Variants in SLC25A10 observed in about 807,000 individuals in gnomAD.
SLC25A10 encodes solute carrier family 25 member 10, also known as mitochondrial dicarboxylate carrier.
A neutral mutation model predicts 40.4 loss-of-function variants in SLC25A10; 32 were observed. The ratio of observed to expected loss-of-function variants is 0.79; its 90% CI spans 0.60 to 1.06. The LOEUF is 1.06. Ranked by LOEUF, SLC25A10 falls within the 50% of genes least tolerant of loss-of-function variation. The pLI is 0.00. For missense variants in SLC25A10, 394 were observed against 402.6 expected (o/e 0.98, Z 0.18); for synonymous variants, 181 against 171.1 (o/e 1.06, Z -0.45).
intron 1 of SLC25A10, among the ~76,000 whole-genome samples, chr17:81,713,827 G>A (rs980927255): frequency 6.6e-6 from 1 of 152,222 alleles, no homozygotes; most frequent in African/African-American, 2.4e-5. Flanking sequence ...CTCTCTGGCT[G>A]CAGAACACCG....
At chr17:81,717,943 G>GGACACCCTTCCCC in intron 9 of SLC25A10, 82 bp downstream of exon 9, 1 of 1,032,406 alleles carries the variant, frequency 9.7e-7, no homozygotes, top group Non-Finnish European at 1.5e-6. Context: ...CACTCGCACT[G>GGACACCCTTCCCC]GGGACCCGGG....
intron 2 of SLC25A10, 150 bp from the exon 3 acceptor site, chr17:81,715,328 C>A: frequency 1.2e-6 from 1 of 822,506 alleles, no homozygotes; most frequent in Non-Finnish European, 2.0e-6. Flanking sequence ...TGTGAACTGG[C>A]TCAGCCGCAT....
rs201255090 is a variant in SLC25A10, at chr17:81,715,054, C to T, written c.195C>T (p.Ser65=). Residue 65 remains serine (S), a synonymous_variant, in exon 2 of 11, where the codon AGC becomes AGT. Coordinates refer to ENST00000350690, the MANE Select transcript of SLC25A10 (RefSeq NM_012140.5). ...DGILALYSGL[S]ASLCRQMTYS... is the part of the protein sequence containing the mutation. ...TCCTGGCACTCTACAGCGGCCTGAG[C>T]GCCTCGCTGTGCAGACAGGTGCGTG... 9.8e-5 allele frequency: 157 copies of T among 1,609,838 alleles called. No homozygotes were observed. In the African/African-American group the frequency reaches 1.8e-3, roughly 18 times the overall value.
intron 9 of SLC25A10, 135 bp downstream of exon 9, chr17:81,717,996 C>T (rs925315880): frequency 4.8e-5 from 33 of 683,282 alleles, no homozygotes; most frequent in Non-Finnish European, 7.8e-5. Context: ...CTGCACAGCA[C>T]TTGCCTTGGG....
rs765499382 is a variant in SLC25A10 at position 81,716,022 on chromosome 17, G to A, written c.391G>A (p.Val131Met). Residue 131 changes from valine to methionine, a missense_variant, in exon 5 of 11, where the codon GTG (valine) becomes ATG (methionine). Physicochemically the swap from Val to Met is conservative, Grantham distance 21 (BLOSUM62 1). Coordinates refer to ENST00000350690, the MANE Select transcript of SLC25A10 (RefSeq NM_012140.5). ...CTTCTGTTTCAGGATGCAGAACGAC[G>A]TGAAGCTGCCCCAGGGTCAGCGGCG... Reference protein sequence around the residue: ...DLVNVRMQNDVKLPQGQRRNY... With the variant: ...DLVNVRMQNDMKLPQGQRRNY... 7.7e-5 allele frequency: 122 copies of A among 1,594,052 alleles called. No individual in the cohort carries two copies. Among genetic ancestry groups the A allele is most frequent in the Non-Finnish European group, 1.0e-4 (117 of 1,170,666 alleles).
chr17:81,712,738 AGCTTCCCAGCCG>A (rs2037407626), intron 1 of SLC25A10, among the ~76,000 whole-genome samples: 1 of 152,218 alleles, frequency 6.6e-6, no homozygotes, highest in African/African-American at 2.4e-5. Context: ...CGCGCTCCCC[AGCTTCCCAGCCG>A]GCTTCCCAGT....
At chr17:81,715,159 C>A in intron 2 of SLC25A10, 87 bp downstream of exon 2, 1 of 1,541,912 alleles carries the variant, frequency 6.5e-7, no homozygotes. Context: ...CTTTTCAAGA[C>A]TTTGTGCAAG....
At chr17:81,713,386 C>T (rs924167596) in intron 1 of SLC25A10, 1 of 945,390 alleles carries the variant, frequency 1.1e-6, no homozygotes, top group South Asian at 4.9e-5. Context: ...GGTCACTGGG[C>T]AGCCGCCTGT....
At chr17:81,715,129 A>G in intron 2 of SLC25A10, 57 bp downstream of exon 2, 1 of 1,588,530 alleles carries the variant, frequency 6.3e-7, no homozygotes, top group Non-Finnish European at 8.6e-7. Flanking sequence ...CTGCAGTGGC[A>G]TCCAAGCTAC....
chr17:81,715,198 A>G, intron 2 of SLC25A10, 126 bp downstream of exon 2: 1 of 1,397,096 alleles, frequency 7.2e-7, no homozygotes, highest in Non-Finnish European at 9.6e-7. Context: ...AGAGCTGGTG[A>G]CCCCAGGGTG....
At position 81,720,620 on chromosome 17, in the gene SLC25A10, C is replaced by A; in HGVS notation, c.*543C>A. 1.0e-6 allele frequency: 1 copy of A among 957,466 alleles called. No homozygotes were observed. Among genetic ancestry groups the A allele is most frequent in the Non-Finnish European group, 1.4e-6 (1 of 730,566 alleles). 59.3% of individuals were successfully genotyped at this position (957,466 alleles called of 1,614,324 possible). A position where few individuals can be genotyped will look rare whatever the true frequency, so the allele number is the denominator to read the frequency against. ...AGCTGGGTGGGATGAACAAGCAACG[C>A]AGACCACAAGCGAGTGCCTGGGAGG... On this transcript the variant is annotated 3_prime_UTR_variant, in exon 11 of 11. Coordinates refer to ENST00000350690, the MANE Select transcript of SLC25A10 (RefSeq NM_012140.5).
Position 81,720,142 on chromosome 17 carries a change from C to A in SLC25A10, c.*65C>A, listed in dbSNP as rs1412918052. On this transcript the variant is annotated 3_prime_UTR_variant, in exon 11 of 11. Transcript: ENST00000350690. Reference sequence around the variant, plus strand: ...TAGGTTCTTCCAAAGAGTCCCAAGCCCAGCACCTGCTCCTGGGGCCACGAC... The same window carrying A: ...TAGGTTCTTCCAAAGAGTCCCAAGCACAGCACCTGCTCCTGGGGCCACGAC... 2.4e-5 allele frequency: 38 copies of A among 1,595,620 alleles called. No homozygotes were observed. The South Asian group carries it at 3.3e-4, about 14-fold the overall frequency.
chr17:81,717,861 G>A lies in SLC25A10; in HGVS notation c.705G>A (p.Gln235=). 6.2e-7 allele frequency: 1 copy of A among 1,605,320 alleles called. No individual in the cohort carries two copies. Residue 235 remains glutamine (Q), a splice_region_variant and synonymous_variant, in exon 9 of 11, where the codon CAG becomes CAA. Transcript: ENST00000350690. ...TRLMNSKGEY[Q]GVFHCAVETA... is the part of the protein sequence containing the mutation. ...TGATGAACTCCAAGGGGGAGTATCA[G>A]GTGAGTGGGGCCCTGCCTGTGCAGT...
intron 7 of SLC25A10, 49 bp downstream of exon 7, chr17:81,717,121 C>A (rs770072087): frequency 1.8e-5 from 28 of 1,576,056 alleles, no homozygotes. Flanking sequence ...TGACCACTGA[C>A]CTCCATCTTC....
Position 81,712,321 on chromosome 17 carries a change from T to G in SLC25A10, c.-106T>G. ...CGGGGTGCGGGCGCGCGGGCGGCGCTTTGAACCGGGCGCGGGGCGCGGGGC... is the reference window on the plus strand; with the variant it reads ...CGGGGTGCGGGCGCGCGGGCGGCGCGTTGAACCGGGCGCGGGGCGCGGGGC... On this transcript the variant is annotated 5_prime_UTR_variant, in exon 1 of 11. Coordinates refer to ENST00000350690, the MANE Select transcript of SLC25A10 (RefSeq NM_012140.5). 1 of 775,432 alleles carries G rather than the reference T, an allele frequency of 1.3e-6. No homozygotes were observed. The highest frequency in any genetic ancestry group is 1.7e-6 in the Non-Finnish European group (1 of 596,332). 48.0% of individuals were successfully genotyped at this position (775,432 alleles called of 1,614,324 possible).
chr17:81,715,964 GC>G, intron 4 of SLC25A10, 44 bp from the exon 5 acceptor site: 2 of 1,546,458 alleles, frequency 1.3e-6, no homozygotes, highest in Admixed American at 3.9e-5. Flanking sequence ...GGCTGCCCAT[GC>G]CCCTCGGCCC....
At chr17:81,717,297 G>A (rs1809617886) in intron 7 of SLC25A10, 102 bp from the exon 8 acceptor site, 1 of 1,209,356 alleles carries the variant, frequency 8.3e-7, no homozygotes, top group Admixed American at 1.8e-5. Context: ...GACAGACGGA[G>A]CAGGTGCTTG....
Position 81,717,252 on chromosome 17 carries a change from G to A in SLC25A10, c.535-147G>A, listed in dbSNP as rs1405620230. Reference sequence around the variant, plus strand: ...AGGGCTGCAGCCTGTGAAGGACCTCGGGCAGGTGCCTCCCCTGTCTGGGCC... The same window carrying A: ...AGGGCTGCAGCCTGTGAAGGACCTCAGGCAGGTGCCTCCCCTGTCTGGGCC... On this transcript the variant is annotated intron_variant, in intron 7 of 10. Transcript: ENST00000350690. 17 of 1,000,668 alleles carry A rather than the reference G, an allele frequency of 1.7e-5. No homozygotes were observed. In the Admixed American group the frequency reaches 1.8e-4, roughly 11 times the overall value. 62.0% of individuals were successfully genotyped at this position (1,000,668 alleles called of 1,614,324 possible).
chr17:81,714,907 G>A (rs375058637), intron 1 of SLC25A10, 46 bp from the exon 2 acceptor site: 18 of 1,596,014 alleles, frequency 1.1e-5, no homozygotes, highest in East Asian at 6.7e-5. Context: ...ACCTGGCACC[G>A]ATCCCTCGGG....
Sources: gnomAD v4.1 joint callset for allele counts (sites outside exome capture counted in the v4.1 genomes callset) on GRCh38, gnomAD v4.1.1 for gene constraint, MANE v1.5 for transcripts, NCBI Gene and HGNC (gene_info 2026-07-23, HGNC 2026-07-21) for gene names.